The following ERC1 variants were observed in gnomAD, a reference collection of about 807,000 sequenced individuals.
The protein encoded by ERC1 is ELKS/RAB6-interacting/CAST family member 1.
A neutral mutation model predicts 132.0 loss-of-function variants in ERC1; 56 were observed. The observed-to-expected ratio is 0.42, with a 90% CI of 0.34 to 0.53. ERC1 has a LOEUF of 0.53. ERC1 is among the 20% of genes least tolerant of loss of function. The pLI is 0.03. For synonymous variants in ERC1, 478 were observed against 476.1 expected, an observed-to-expected ratio of 1.00 and a Z score of -0.05; for missense variants, 1,202 against 1,349.9, an observed-to-expected ratio of 0.89 and a Z score of 1.72.
At chr12:1,039,866 A>G (rs573596033) in intron 2 of ERC1, among the ~76,000 whole-genome samples, 1 of 152,316 alleles carries the variant, frequency 6.6e-6, no homozygotes, top group Non-Finnish European at 1.5e-5. Context: ...TAAGAAGTGG[A>G]GAGGGAGAAG....
intron 14 of ERC1, among the ~76,000 whole-genome samples, chr12:1,269,191 A>G (rs993939547): frequency 6.6e-6 from 1 of 152,242 alleles, no homozygotes; most frequent in African/African-American, 2.4e-5. Context: ...TCAGATAGGG[A>G]CACAGACACT....
intron 2 of ERC1, among the ~76,000 whole-genome samples, chr12:1,061,658 G>T (rs535643006): frequency 2.6e-5 from 4 of 152,020 alleles, no homozygotes; most frequent in Admixed American, 6.6e-5. Flanking sequence ...TTGTTTCATT[G>T]ATGTTTTATA....
rs748599168 is a variant in ERC1 at position 1,112,217 on chromosome 12, A to G, written c.1320A>G (p.Val440=). The G allele has an allele frequency of 1.2e-6, 2 of 1,608,214 alleles. No individual in the cohort carries two copies. Among genetic ancestry groups the G allele is most frequent in the South Asian group, 1.1e-5 (1 of 90,986 alleles). Residue 440 remains valine (V), a splice_region_variant and synonymous_variant, in exon 6 of 19, where the codon GTA becomes GTG. Transcript: ENST00000360905. The part of the protein sequence containing the change: ...RSHSKFMKNK[V]EQLKEELSSK... ...AAAGAATAATAATGTCGTGACAGGT[A>G]GAACAACTGAAGGAGGAACTAAGTT...
At chr12:1,395,226 A>G (rs558927538) in intron 16 of ERC1, among the ~76,000 whole-genome samples, 14 of 152,324 alleles carry the variant, frequency 9.2e-5, no homozygotes, top group Non-Finnish European at 1.3e-4. Context: ...CTGGGCCATT[A>G]TAGGCAAATT....
chr12:1,009,300 G>A (rs895689099), intron 1 of ERC1, among the ~76,000 whole-genome samples: 35 of 151,442 alleles, frequency 2.3e-4, no homozygotes, highest in Admixed American at 2.2e-3. Context: ...TCAGCCTCCC[G>A]AGTAGCTGGG....
intron 15 of ERC1, among the ~76,000 whole-genome samples, chr12:1,345,915 A>G (rs1056880273): frequency 2.6e-5 from 4 of 152,136 alleles, no homozygotes; most frequent in African/African-American, 9.7e-5. Flanking sequence ...TTGCCATTCT[A>G]CTTGAAGTAT....
intron 12 of ERC1, among the ~76,000 whole-genome samples, chr12:1,219,910 G>A (rs1212584746): frequency 6.6e-6 from 1 of 152,134 alleles, no homozygotes; most frequent in Non-Finnish European, 1.5e-5. Flanking sequence ...CACCCCTTGG[G>A]TTAAAACCTT....
intron 15 of ERC1, among the ~76,000 whole-genome samples, chr12:1,367,471 T>G (rs2086771425): frequency 6.6e-6 from 1 of 152,214 alleles, no homozygotes; most frequent in Non-Finnish European, 1.5e-5. Context: ...TGTCTTGCAT[T>G]TCTGTTAAAC....
chr12:1,470,872 G>A (rs1404706728), intron 18 of ERC1, among the ~76,000 whole-genome samples: 2 of 152,220 alleles, frequency 1.3e-5, no homozygotes, highest in Non-Finnish European at 2.9e-5. Context: ...ATTCCACACA[G>A]AAGGGTAACT....
intron 2 of ERC1, among the ~76,000 whole-genome samples, chr12:1,046,959 C>A (rs77060512): frequency 0.024 from 3,641 of 152,224 alleles, 132 homozygotes; most frequent in African/African-American, 0.083. Flanking sequence ...AGGAAAGTAG[C>A]CTTATTCTAT....
At chr12:1,143,099 C>G (rs1409303140) in intron 8 of ERC1, among the ~76,000 whole-genome samples, 1 of 152,108 alleles carries the variant, frequency 6.6e-6, no homozygotes, top group Non-Finnish European at 1.5e-5. Context: ...GGGGTTTTAC[C>G]ACCATGTTGG....
intron 15 of ERC1, among the ~76,000 whole-genome samples, chr12:1,342,292 C>G (rs1000950490): frequency 4.0e-5 from 6 of 151,742 alleles, no homozygotes; most frequent in Admixed American, 2.6e-4. Flanking sequence ...TGGTGAAACC[C>G]CGTCTCTACT....
chr12:1,391,390 G>A (rs551905418), intron 16 of ERC1: 13 of 152,624 alleles, frequency 8.5e-5, no homozygotes, highest in Non-Finnish European at 1.8e-4. Context: ...ATCCCTGCCT[G>A]GTTAGGGTAG....
chr12:1,404,679 G>A (rs1207932665), intron 16 of ERC1, among the ~76,000 whole-genome samples: 2 of 151,940 alleles, frequency 1.3e-5, no homozygotes, highest in Non-Finnish European at 2.9e-5. Flanking sequence ...TTTTAGATTC[G>A]GGGGATGCAT....
chr12:1,368,096 T>G (rs945087463), intron 15 of ERC1, among the ~76,000 whole-genome samples: 8 of 151,998 alleles, frequency 5.3e-5, no homozygotes, highest in Non-Finnish European at 1.2e-4. Context: ...GTGCTTGTAT[T>G]ACTCCCTAGG....
chr12:1,289,818 C>T (rs1423010807), intron 14 of ERC1, 34 bp from the exon 15 acceptor site: 10 of 1,591,092 alleles, frequency 6.3e-6, no homozygotes. Context: ...TTGATCAAGA[C>T]ACTCTGTTGT....
chr12:1,293,369 C>T (rs1306431965), intron 15 of ERC1, among the ~76,000 whole-genome samples: 2 of 145,636 alleles, frequency 1.4e-5, no homozygotes, highest in African/African-American at 5.1e-5. Context: ...GGGAGAATAG[C>T]ATCAACCCAG....
intron 12 of ERC1, among the ~76,000 whole-genome samples, chr12:1,209,705 A>T (rs1566254614): frequency 1.3e-5 from 2 of 152,134 alleles, no homozygotes; most frequent in Non-Finnish European, 2.9e-5. Context: ...TTGGGGCCTG[A>T]ATTTTTCTAC....
intron 2 of ERC1, among the ~76,000 whole-genome samples, chr12:1,056,670 G>A (rs1219266808): frequency 6.6e-6 from 1 of 152,130 alleles, no homozygotes. Context: ...CCAGCGCAGT[G>A]TCTGTTTCTT....
Sources: gnomAD v4.1 joint callset for allele counts (sites outside exome capture counted in the v4.1 genomes callset) on GRCh38, gnomAD v4.1.1 for gene constraint, MANE v1.5 for transcripts, NCBI Gene and HGNC (gene_info 2026-07-23, HGNC 2026-07-21) for gene names.